The following CACNB2 variants were observed in gnomAD, a reference collection of about 807,000 sequenced individuals.
CACNB2 encodes voltage-dependent L-type calcium channel subunit beta-2.
Under a neutral mutation model 73.3 loss-of-function variants are expected in CACNB2, and 42 were observed. The observed-to-expected ratio is 0.57, with a 90% confidence interval of 0.45 to 0.74. The LOEUF is 0.74. Ranked by LOEUF, CACNB2 falls within the 30% of genes least tolerant of loss-of-function variation. The pLI is 0.00. For missense variants in CACNB2, 940 were observed against 853.0 expected (o/e 1.10, Z -1.27); for synonymous variants, 348 against 310.3 (o/e 1.12, Z -1.28).
chr10:18,515,584 T>A (rs890604016), intron 7 of CACNB2, among the ~76,000 whole-genome samples: 2 of 152,248 alleles, frequency 1.3e-5, no homozygotes, highest in Non-Finnish European at 2.9e-5. Context: ...TTTTTTTGAA[T>A]CAATTATGAT....
At chr10:18,341,498 G>T (rs912434406) in intron 2 of CACNB2, among the ~76,000 whole-genome samples, 15 of 152,136 alleles carry the variant, frequency 9.9e-5, no homozygotes, top group African/African-American at 3.6e-4. Context: ...GCCACACGAG[G>T]ACTGACTGTT....
chr10:18,220,048 T>C (rs2035670711), intron 2 of CACNB2, among the ~76,000 whole-genome samples: 2 of 146,048 alleles, frequency 1.4e-5, no homozygotes, highest in South Asian at 4.4e-4. Flanking sequence ...ATTACAGGTA[T>C]GAGCCACCAC....
intron 2 of CACNB2, among the ~76,000 whole-genome samples, chr10:18,197,326 G>A (rs1297402377): frequency 6.6e-6 from 1 of 152,082 alleles, no homozygotes; most frequent in Non-Finnish European, 1.5e-5. Flanking sequence ...ATTATTTCAT[G>A]CCTAAGTTAT....
intron 2 of CACNB2, among the ~76,000 whole-genome samples, chr10:18,283,779 T>G (rs2038665618): frequency 6.6e-6 from 1 of 152,134 alleles, no homozygotes; most frequent in African/African-American, 2.4e-5. Flanking sequence ...GTAACTAACC[T>G]GCACATTGTG....
At chr10:18,501,385 T>C (rs1359569620) in intron 5 of CACNB2, among the ~76,000 whole-genome samples, 1 of 152,208 alleles carries the variant, frequency 6.6e-6, no homozygotes, top group African/African-American at 2.4e-5. Context: ...GTTAGTTTCA[T>C]TTTCACCTGA....
At chr10:18,257,932 C>G (rs1018398184) in intron 2 of CACNB2, among the ~76,000 whole-genome samples, 1 of 152,002 alleles carries the variant, frequency 6.6e-6, no homozygotes, top group Admixed American at 6.6e-5. Context: ...TTAGTAGAGA[C>G]GAGGTTTCGT....
chr10:18,326,496 G>C (rs2040594638), intron 2 of CACNB2, among the ~76,000 whole-genome samples: 1 of 152,216 alleles, frequency 6.6e-6, no homozygotes, highest in African/African-American at 2.4e-5. Flanking sequence ...GAAGTAAACA[G>C]AGTTCCTCCT....
chr10:18,422,569 C>T (rs1245466956), intron 3 of CACNB2, among the ~76,000 whole-genome samples: 1 of 152,198 alleles, frequency 6.6e-6, no homozygotes, highest in Non-Finnish European at 1.5e-5. Context: ...TCACCTCCCA[C>T]CCCAAATAAC....
chr10:18,272,442 C>T (rs924604421), intron 2 of CACNB2, among the ~76,000 whole-genome samples: 6 of 152,136 alleles, frequency 3.9e-5, no homozygotes, highest in Non-Finnish European at 4.4e-5. Context: ...TTCGGTGGTA[C>T]ATACTAGAAA....
intron 2 of CACNB2, among the ~76,000 whole-genome samples, chr10:18,399,065 T>A (rs1169620441): frequency 6.6e-6 from 1 of 152,176 alleles, no homozygotes; most frequent in African/African-American, 2.4e-5. Context: ...CTTTATGTAC[T>A]TCCTGTCATT....
chr10:18,476,856 T>TA (rs2048466177), intron 3 of CACNB2, among the ~76,000 whole-genome samples: 1 of 152,054 alleles, frequency 6.6e-6, no homozygotes, highest in South Asian at 2.1e-4. Context: ...CTACCAAAAA[T>TA]ATTTATTTAA....
intron 2 of CACNB2, among the ~76,000 whole-genome samples, chr10:18,233,433 T>C (rs1402086896): frequency 1.3e-5 from 2 of 150,890 alleles, no homozygotes; most frequent in Admixed American, 6.6e-5. Flanking sequence ...AGCTAGTCTC[T>C]AGTGGAAACA....
At chr10:18,143,773 T>C (rs2030679661) in intron 1 of CACNB2, among the ~76,000 whole-genome samples, 1 of 152,220 alleles carries the variant, frequency 6.6e-6, no homozygotes, top group African/African-American at 2.4e-5. Flanking sequence ...CGAGTAATTC[T>C]ACTCAGAATT....
chr10:18,527,667 A>C lies in CACNB2; in HGVS notation c.1024A>C (p.Ile342Leu). 3.7e-6 allele frequency: 6 copies of C among 1,613,618 alleles called. No homozygotes were observed. Among genetic ancestry groups the C allele is most frequent in the Non-Finnish European group, 5.1e-6 (6 of 1,179,668 alleles). The change falls in exon 10 of 14, where the codon ATA becomes CTA. Residue 342 changes from isoleucine (I) to leucine (L), a missense_variant. Physicochemically the swap from Ile to Leu is conservative, Grantham distance 5. Transcript: ENST00000324631. ...VLNNPSKHAI[I>L]ERSNTRSSLA... ...AAACAATCCCAGTAAGCACGCAATA[A>C]TAGAAAGATCCAACACAAGGTCAAG...
rs746092806 is a variant in CACNB2, at chr10:18,539,638, C to A, written c.1897C>A (p.Arg633Ser). Residue 633 changes from arginine to serine, a missense_variant, in exon 14 of 14, where the codon CGC becomes AGC. Arg to Ser is a moderately radical substitution (Grantham distance 110, BLOSUM62 -1). Coordinates refer to ENST00000324631, the MANE Select transcript of CACNB2 (RefSeq NM_201596.3). ...GCGCAGCCGTCATAAATCCAAGGAT[C>A]GCTACTGTGAAAAGGATGGAGAAGT... is the stretch of plus-strand genomic sequence containing the variant. ...KQRSRHKSKD[R>S]YCEKDGEVIS... The A allele has an allele frequency of 3.1e-6, 5 of 1,613,310 alleles. No homozygotes were observed. Among genetic ancestry groups the A allele is most frequent in the Middle Eastern group, 1.7e-4 (1 of 6,052 alleles).
chr10:18,438,779 C>T (rs2046275060), intron 3 of CACNB2, among the ~76,000 whole-genome samples: 1 of 152,238 alleles, frequency 6.6e-6, no homozygotes, highest in Non-Finnish European at 1.5e-5. Flanking sequence ...AGTATACGAT[C>T]ACCTTCTTCC....
In CACNB2 at chr10:18,401,739, A is replaced by G. The variant is rs3829133; in HGVS notation, c.214-185A>G. The stretch of plus-strand genomic sequence containing the variant: ...GAATGGCAACTCAGTAGACACAACT[A>G]TTCTATTGAATGTCTGCAAACCAGA... On this transcript the variant is annotated intron_variant, in intron 2 of 13. Transcript: ENST00000324631. Among the ~76,000 whole-genome samples the G allele has an allele frequency of 0.13, 19,590 of 152,170 alleles. 1,605 individuals carry two copies. Among genetic ancestry groups the G allele is most frequent in the East Asian group, 0.24 (1,244 of 5,172 alleles).
intron 2 of CACNB2, chr10:18,262,040 A>G (rs773590910): frequency 9.6e-6 from 5 of 518,586 alleles, no homozygotes; most frequent in Non-Finnish European, 1.5e-5. Flanking sequence ...GCGAGCAGCT[A>G]CTCTATTTTC....
chr10:18,297,165 T>C (rs2039313551), intron 2 of CACNB2, among the ~76,000 whole-genome samples: 1 of 152,234 alleles, frequency 6.6e-6, no homozygotes, highest in Non-Finnish European at 1.5e-5. Flanking sequence ...CTAACTTCCC[T>C]TCTCCATTCC....
Sources: allele counts gnomAD v4.1 joint callset (sites outside exome capture counted in the v4.1 genomes callset), GRCh38; gene constraint gnomAD v4.1.1; transcripts MANE v1.5; gene names NCBI Gene and HGNC (gene_info 2026-07-23, HGNC 2026-07-21).